The following EPHA6 variants were observed in gnomAD, a reference collection of about 807,000 sequenced individuals.
EPHA6 encodes the protein EPH receptor A6.
Under a neutral mutation model 112.0 loss-of-function variants are expected in EPHA6, and 50 were observed. The observed-to-expected ratio is 0.45, with a 90% confidence interval of 0.36 to 0.56. EPHA6 has a LOEUF of 0.56. Ranked by LOEUF, EPHA6 falls within the 20% of genes least tolerant of loss-of-function variation. The pLI, the probability that EPHA6 is intolerant of heterozygous loss-of-function variation, is 0.00. For missense variants in EPHA6, 1,280 were observed against 1,417.4 expected, an observed-to-expected ratio of 0.90 and a Z score of 1.56; for synonymous variants, 529 against 490.7, an observed-to-expected ratio of 1.08 and a Z score of -1.03.
intron 12 of EPHA6, among the ~76,000 whole-genome samples, chr3:97,595,929 G>A (rs2093585590): frequency 7.6e-6 from 1 of 131,934 alleles, no homozygotes; most frequent in Admixed American, 8.0e-5. Context: ...TTTTTGAGAC[G>A]GAGTCTCTCT....
chr3:97,364,858 C>T (rs1284342853), intron 5 of EPHA6, among the ~76,000 whole-genome samples: 1 of 152,110 alleles, frequency 6.6e-6, no homozygotes, highest in Non-Finnish European at 1.5e-5. Context: ...AAATTGAAGA[C>T]TTAAACTTGA....
intron 15 of EPHA6, among the ~76,000 whole-genome samples, chr3:97,725,451 A>T (rs1473623283): frequency 6.6e-6 from 1 of 152,154 alleles, no homozygotes; most frequent in Non-Finnish European, 1.5e-5. Flanking sequence ...TGAGGGAGGA[A>T]TTCCCCAAAG....
chr3:97,266,605 T>C (rs138188138), intron 5 of EPHA6, among the ~76,000 whole-genome samples: 162 of 152,270 alleles, frequency 1.1e-3, no homozygotes, highest in Middle Eastern at 6.8e-3. Context: ...GTAAATCCAA[T>C]ACAAAAGAAT....
intron 2 of EPHA6, among the ~76,000 whole-genome samples, chr3:96,922,502 T>A (rs1033620554): frequency 6.6e-6 from 1 of 152,162 alleles, no homozygotes; most frequent in Non-Finnish European, 1.5e-5. Context: ...CATGTGAAAA[T>A]TTATATAAGA....
At chr3:96,983,436 G>A (rs1233447885) in intron 2 of EPHA6, among the ~76,000 whole-genome samples, 1 of 152,260 alleles carries the variant, frequency 6.6e-6, no homozygotes, top group East Asian at 1.9e-4. Flanking sequence ...TTAGTCTGAT[G>A]GGTTTCCCTT....
intron 14 of EPHA6, among the ~76,000 whole-genome samples, chr3:97,664,452 T>C (rs2094191922): frequency 6.6e-6 from 1 of 152,168 alleles, no homozygotes; most frequent in South Asian, 2.1e-4. Context: ...TTCAACATAG[T>C]GTTGGAAGTT....
chr3:97,334,478 C>CTTTTTTTTTTTTTTTTT (rs1354125066), intron 5 of EPHA6, among the ~76,000 whole-genome samples: 1 of 128,066 alleles, frequency 7.8e-6, no homozygotes, highest in African/African-American at 3.0e-5. Flanking sequence ...TTTTTTTCTT[C>CTTTTTTTTTTTTTTTTT]TTTTTTTTTT....
At chr3:97,534,459 C>G (rs200474039) in intron 11 of EPHA6, among the ~76,000 whole-genome samples, 3 of 149,688 alleles carry the variant, frequency 2.0e-5, no homozygotes, top group East Asian at 1.9e-4. Context: ...CCCACCCCCC[C>G]CTTTTTTTTT....
Position 97,708,904 on chromosome 3 carries a change from C to A in EPHA6, c.2785-11357C>A, listed in dbSNP as rs370437674. Among the ~76,000 whole-genome samples, 14 of 152,288 alleles carry A rather than the reference C, an allele frequency of 9.2e-5. No homozygotes were observed. In the South Asian group the frequency reaches 2.7e-3, roughly 29 times the overall value. The stretch of plus-strand genomic sequence containing the variant: ...ATTGGGCCTGCAGGTGTGCAGAAGA[C>A]AAGAATTGAGCTTTGGGGGCATCTA... On this transcript the variant is annotated intron_variant, in intron 14 of 17. Coordinates refer to ENST00000389672, the MANE Select transcript of EPHA6 (RefSeq NM_001080448.3).
At chr3:97,662,284 G>GA (rs1046427906) in intron 14 of EPHA6, among the ~76,000 whole-genome samples, 1 of 152,174 alleles carries the variant, frequency 6.6e-6, no homozygotes, top group Non-Finnish European at 1.5e-5. Flanking sequence ...TTTAACATGT[G>GA]AAAAAGACAA....
intron 10 of EPHA6, among the ~76,000 whole-genome samples, chr3:97,512,510 C>T (rs1410523545): frequency 6.6e-6 from 1 of 151,820 alleles, no homozygotes; most frequent in Non-Finnish European, 1.5e-5. Flanking sequence ...TCTGACAGTC[C>T]ACTAGCTCCT....
intron 2 of EPHA6, among the ~76,000 whole-genome samples, chr3:96,941,962 C>G (rs980095182): frequency 6.6e-6 from 1 of 152,284 alleles, no homozygotes; most frequent in African/African-American, 2.4e-5. Context: ...GCTGCCTGAT[C>G]GTTGCTCTGG....
chr3:96,868,005 G>T (rs554904010), intron 2 of EPHA6, among the ~76,000 whole-genome samples: 1 of 151,664 alleles, frequency 6.6e-6, no homozygotes, highest in African/African-American at 2.4e-5. Flanking sequence ...CTGTTTCTGA[G>T]GTATATATCT....
At chr3:97,275,476 GA>G (rs1204953814) in intron 5 of EPHA6, among the ~76,000 whole-genome samples, 1 of 152,092 alleles carries the variant, frequency 6.6e-6, no homozygotes, top group East Asian at 1.9e-4. Context: ...ATCCAGAACA[GA>G]AATAATGGGT....
intron 3 of EPHA6, among the ~76,000 whole-genome samples, chr3:97,031,294 T>A (rs1045744011): frequency 6.6e-6 from 1 of 152,078 alleles, no homozygotes; most frequent in Non-Finnish European, 1.5e-5. Context: ...CAAAAATTAA[T>A]TCAAGATGGA....
rs536455926 is a variant in EPHA6, at chr3:97,102,190, C to G, written c.1114+114197C>G. Reference sequence around the variant, plus strand: ...AGAGCCACATTTAGGTAATCTATCTCCAGTATCTGATGAGTCCTTTCTTCC... The same window carrying G: ...AGAGCCACATTTAGGTAATCTATCTGCAGTATCTGATGAGTCCTTTCTTCC... On this transcript the variant is annotated intron_variant, in intron 3 of 17. Coordinates refer to ENST00000389672, the MANE Select transcript of EPHA6 (RefSeq NM_001080448.3). Among the ~76,000 whole-genome samples, 11 of 152,156 alleles carry G rather than the reference C, an allele frequency of 7.2e-5. No homozygotes were observed. In the East Asian group the frequency reaches 2.1e-3, roughly 30 times the overall value.
At chr3:97,559,557 T>C (rs1406050704) in intron 11 of EPHA6, 4 of 449,584 alleles carry the variant, frequency 8.9e-6, no homozygotes, top group Non-Finnish European at 1.8e-5. Flanking sequence ...AAACCTGTGT[T>C]GCCTACCCTA....
chr3:96,924,016 T>C (rs1374704874), intron 2 of EPHA6, among the ~76,000 whole-genome samples: 3 of 152,178 alleles, frequency 2.0e-5, no homozygotes, highest in Non-Finnish European at 4.4e-5. Flanking sequence ...TCTGTTCTTG[T>C]ACCAGTACCA....
chr3:96,910,370 C>T (rs1183701208), intron 2 of EPHA6, among the ~76,000 whole-genome samples: 1 of 152,034 alleles, frequency 6.6e-6, no homozygotes, highest in Non-Finnish European at 1.5e-5. Flanking sequence ...ATTGATCTCT[C>T]TTCTATTTCT....
Sources: gnomAD v4.1 joint callset for allele counts (sites outside exome capture counted in the v4.1 genomes callset) on GRCh38, gnomAD v4.1.1 for gene constraint, MANE v1.5 for transcripts, NCBI Gene and HGNC (gene_info 2026-07-23, HGNC 2026-07-21) for gene names.